NKAIN2: variants seen among roughly 807,000 people sequenced by gnomAD.
The protein encoded by NKAIN2 is sodium/potassium-transporting ATPase subunit beta-1-interacting protein 2.
Under a neutral mutation model 32.6 loss-of-function variants are expected in NKAIN2, and 14 were observed. That is an observed-to-expected ratio of 0.43 (90% CI 0.28 to 0.67). The LOEUF is 0.67. Ranked by LOEUF, NKAIN2 falls within the 30% of genes least tolerant of loss-of-function variation. The pLI, the probability that NKAIN2 is intolerant of heterozygous loss-of-function variation, is 0.17. For missense variants in NKAIN2, 198 were observed against 258.3 expected, an observed-to-expected ratio of 0.77 and a Z score of 1.60; for synonymous variants, 80 against 87.2, an observed-to-expected ratio of 0.92 and a Z score of 0.46.
At chr6:123,882,273 T>A (rs1318173412) in intron 1 of NKAIN2, among the ~76,000 whole-genome samples, 1 of 151,962 alleles carries the variant, frequency 6.6e-6, no homozygotes, top group Admixed American at 6.6e-5. Context: ...TGGCCATTAA[T>A]TATGAAAAAA....
At chr6:124,300,097 C>G (rs1419565433) in intron 2 of NKAIN2, among the ~76,000 whole-genome samples, 1 of 152,080 alleles carries the variant, frequency 6.6e-6, no homozygotes, top group Non-Finnish European at 1.5e-5. Context: ...TCTTTCCAAC[C>G]CCCAATTCCT....
chr6:124,026,097 A>G (rs927554189), intron 1 of NKAIN2, among the ~76,000 whole-genome samples: 5 of 152,150 alleles, frequency 3.3e-5, no homozygotes, highest in Admixed American at 6.5e-5. Flanking sequence ...TTATTGTCCA[A>G]TCATGTTTCT....
chr6:124,231,243 C>T (rs1444858476), intron 1 of NKAIN2, among the ~76,000 whole-genome samples: 2 of 152,158 alleles, frequency 1.3e-5, no homozygotes, highest in Non-Finnish European at 2.9e-5. Flanking sequence ...GTGTATTTAC[C>T]CAATGCCTGC....
chr6:124,172,195 TC>T (rs771763341), intron 1 of NKAIN2, among the ~76,000 whole-genome samples: 2 of 152,218 alleles, frequency 1.3e-5, no homozygotes, highest in African/African-American at 2.4e-5. Context: ...TTTTAATTCT[TC>T]TTTGAATAAT....
At chr6:123,817,846 G>T (rs780675668) in intron 1 of NKAIN2, among the ~76,000 whole-genome samples, 30 of 152,132 alleles carry the variant, frequency 2.0e-4, no homozygotes, top group Non-Finnish European at 3.1e-4. Context: ...GGAAAGGGGG[G>T]TGCTGAATAA....
intron 1 of NKAIN2, among the ~76,000 whole-genome samples, chr6:123,906,427 A>T (rs1774877408): frequency 6.6e-6 from 1 of 151,884 alleles, no homozygotes; most frequent in Admixed American, 6.6e-5. Flanking sequence ...AGTAGCTGGG[A>T]CTACAGGCAT....
intron 1 of NKAIN2, among the ~76,000 whole-genome samples, chr6:123,867,588 A>G (rs1772602145): frequency 6.6e-6 from 1 of 152,228 alleles, no homozygotes; most frequent in Non-Finnish European, 1.5e-5. Context: ...TAGGGACTCA[A>G]AAATGTTGGC....
In NKAIN2 at chr6:124,101,056, CCATA is replaced by C. The variant is rs1322635093; in HGVS notation, c.55-181946_55-181943del. 2.6e-5 allele frequency among the ~76,000 whole-genome samples: 4 copies of C among 152,214 alleles called. No individual in the cohort carries two copies. In the South Asian group the frequency reaches 8.3e-4, roughly 32 times the overall value. ...ATTGTCACAAGGCCTATTCTGGATGCCATACAATTGTTCAATACCCAACAATGCA... is the reference window on the plus strand; with the variant it reads ...ATTGTCACAAGGCCTATTCTGGATGCCAATTGTTCAATACCCAACAATGCA... On this transcript the variant is annotated intron_variant, in intron 1 of 6. Coordinates refer to ENST00000368417, the MANE Select transcript of NKAIN2 (RefSeq NM_001040214.3).
chr6:124,084,870 T>C (rs185423105), intron 1 of NKAIN2, among the ~76,000 whole-genome samples: 63 of 152,102 alleles, frequency 4.1e-4, no homozygotes, highest in African/African-American at 1.2e-3. Flanking sequence ...AAAATCTCTA[T>C]GCTTAAAAAT....
At chr6:124,119,483 G>A (rs1177791544) in intron 1 of NKAIN2, among the ~76,000 whole-genome samples, 1 of 152,118 alleles carries the variant, frequency 6.6e-6, no homozygotes, top group Non-Finnish European at 1.5e-5. Flanking sequence ...AAAATGTTTA[G>A]CCATTGGATG....
chr6:124,001,103 A>G (rs1487497812), intron 1 of NKAIN2, among the ~76,000 whole-genome samples: 2 of 152,118 alleles, frequency 1.3e-5, no homozygotes, highest in African/African-American at 2.4e-5. Flanking sequence ...AAAGTTGTAG[A>G]AAACCAAATT....
intron 1 of NKAIN2, among the ~76,000 whole-genome samples, chr6:123,863,122 TCA>T (rs781593458): frequency 6.6e-6 from 1 of 152,190 alleles, no homozygotes; most frequent in Non-Finnish European, 1.5e-5. Context: ...GGAGGAAGCA[TCA>T]GAGCCACAGA....
intron 1 of NKAIN2, among the ~76,000 whole-genome samples, chr6:123,933,973 C>A (rs1226288355): frequency 6.6e-6 from 1 of 152,078 alleles, no homozygotes; most frequent in Non-Finnish European, 1.5e-5. Flanking sequence ...TGGGAGATGG[C>A]ACAGTCTGAA....
At chr6:123,999,129 G>A (rs1779771516) in intron 1 of NKAIN2, among the ~76,000 whole-genome samples, 1 of 151,990 alleles carries the variant, frequency 6.6e-6, no homozygotes, top group African/African-American at 2.4e-5. Context: ...CAGAGGGTTG[G>A]TTTCAAATCC....
At chr6:124,510,251 T>C (rs1167923218) in intron 3 of NKAIN2, among the ~76,000 whole-genome samples, 1 of 152,164 alleles carries the variant, frequency 6.6e-6, no homozygotes, top group Non-Finnish European at 1.5e-5. Flanking sequence ...TTATGGAACC[T>C]TGTTCCTTTA....
chr6:124,080,374 C>T (rs919121328), intron 1 of NKAIN2, among the ~76,000 whole-genome samples: 1 of 152,086 alleles, frequency 6.6e-6, no homozygotes, highest in African/African-American at 2.4e-5. Flanking sequence ...TCTCAATATA[C>T]GTGAGTTACA....
chr6:123,975,031 G>C (rs913640653), intron 1 of NKAIN2, among the ~76,000 whole-genome samples: 11 of 152,182 alleles, frequency 7.2e-5, no homozygotes, highest in Non-Finnish European at 1.0e-4. Flanking sequence ...CGTATGTTTG[G>C]TTATTAAGGG....
chr6:124,026,238 T>C (rs893668938), intron 1 of NKAIN2, among the ~76,000 whole-genome samples: 1 of 152,242 alleles, frequency 6.6e-6, no homozygotes, highest in Non-Finnish European at 1.5e-5. Flanking sequence ...TTTTCTCTTA[T>C]TGATCTGTCT....
At chr6:123,981,403 A>G (rs551185440) in intron 1 of NKAIN2, among the ~76,000 whole-genome samples, 80 of 152,318 alleles carry the variant, frequency 5.3e-4, no homozygotes, top group Non-Finnish European at 5.1e-4. Flanking sequence ...TCAGACGAGG[A>G]AAAACAGAAC....
Sources: gnomAD v4.1 joint callset for allele counts (sites outside exome capture counted in the v4.1 genomes callset) on GRCh38, gnomAD v4.1.1 for gene constraint, MANE v1.5 for transcripts, NCBI Gene and HGNC (gene_info 2026-07-23, HGNC 2026-07-21) for gene names.